The following MYO10 variants were observed in gnomAD, a reference collection of about 807,000 sequenced individuals.
MYO10 encodes myosin X.
In MYO10, 133 loss-of-function variants were observed where a neutral mutation model predicts 257.3. The ratio of observed to expected loss-of-function variants is 0.52; its 90% CI spans 0.45 to 0.60. The LOEUF is 0.60. Among genes scored for constraint, MYO10 ranks in the 20% least tolerant of loss-of-function variants. MYO10 has a pLI of 0.00. For missense variants in MYO10, 2,399 were observed against 2,635.7 expected, an observed-to-expected ratio of 0.91 and a Z score of 1.97; for synonymous variants, 1,104 against 1,028.6, an observed-to-expected ratio of 1.07 and a Z score of -1.40.
intron 2 of MYO10, among the ~76,000 whole-genome samples, chr5:16,847,879 A>T (rs1743683860): frequency 6.6e-6 from 1 of 152,216 alleles, no homozygotes; most frequent in Admixed American, 6.5e-5. Flanking sequence ...TCTGGGCAAC[A>T]TAGCAAGACC....
At chr5:16,760,342 T>C (rs1180268573) in intron 17 of MYO10, among the ~76,000 whole-genome samples, 4 of 149,384 alleles carry the variant, frequency 2.7e-5, no homozygotes, top group Non-Finnish European at 5.9e-5. Context: ...GCACCTGTAG[T>C]CCCAGCTACT....
chr5:16,839,291 G>A (rs112740419), intron 2 of MYO10, among the ~76,000 whole-genome samples: 2,543 of 152,258 alleles, frequency 0.017, 82 homozygotes, highest in African/African-American at 0.058. Context: ...TCAAGATTAG[G>A]AGGAGTCTGG....
At position 16,722,308 on chromosome 5, in the gene MYO10, G is replaced by A. The variant is rs554476495; in HGVS notation, c.1930-11063C>T. On this transcript the variant is annotated intron_variant, in intron 19 of 40. Coordinates refer to ENST00000513610, the MANE Select transcript of MYO10 (RefSeq NM_012334.3). ...CCATTAAATTACACATTCTTGCAGC[G>A]GAGCAGCTGAATTCTATGAATGTCT... Among the ~76,000 whole-genome samples, 17 of 152,262 alleles carry A rather than the reference G, an allele frequency of 1.1e-4. No individual in the cohort carries two copies. The South Asian group carries it at 1.5e-3, about 13-fold the overall frequency.
chr5:16,936,247 C>G lies in MYO10; in HGVS notation c.-439G>C, dbSNP rs950911442. The G allele has an allele frequency of 1.9e-5, 3 of 159,152 alleles. No individual in the cohort carries two copies. The highest frequency in any genetic ancestry group is 4.1e-5 in the Non-Finnish European group (3 of 72,822). 9.9% of individuals were successfully genotyped at this position (159,152 alleles called of 1,614,324 possible). A position where few individuals can be genotyped will look rare whatever the true frequency, so the allele number is the denominator to read the frequency against. On this transcript the variant is annotated 5_prime_UTR_variant, in exon 1 of 41. Coordinates refer to ENST00000513610, the MANE Select transcript of MYO10 (RefSeq NM_012334.3). ...CCCCGCGCGAGCGCTTGGAGGTGAG[C>G]AGTCCCGCGCCGCGGCTCAGCCAGC...
rs1170639234 is a variant in MYO10 at position 16,935,913 on chromosome 5, G to A, written c.-105C>T. 13 of 1,427,832 alleles carry A rather than the reference G, an allele frequency of 9.1e-6. No homozygotes were observed. The highest frequency in any genetic ancestry group is 1.4e-5 in the African/African-American group (1 of 70,580). 88.4% of individuals were successfully genotyped at this position (1,427,832 alleles called of 1,614,324 possible). A position where few individuals can be genotyped will look rare whatever the true frequency, so the allele number is the denominator to read the frequency against. ...TGCGTGTCACGGCGCCACTCCCGAG[G>A]ACGCGCGCCCGCGGGGCTCCCCTGC... On this transcript the variant is annotated 5_prime_UTR_variant, in exon 1 of 41. Transcript: ENST00000513610.
At chr5:16,830,643 A>G (rs1472298200) in intron 2 of MYO10, among the ~76,000 whole-genome samples, 1 of 141,520 alleles carries the variant, frequency 7.1e-6, no homozygotes, top group Non-Finnish European at 1.5e-5. Flanking sequence ...TACTATGCAT[A>G]TATGTAGTAT....
At chr5:16,835,331 G>A (rs1487631022) in intron 2 of MYO10, among the ~76,000 whole-genome samples, 5 of 151,142 alleles carry the variant, frequency 3.3e-5, no homozygotes, top group African/African-American at 9.7e-5. Context: ...TCAGGAGTTC[G>A]AGATCAGCCT....
intron 9 of MYO10, among the ~76,000 whole-genome samples, chr5:16,774,483 G>A (rs551756457): frequency 6.6e-6 from 1 of 152,158 alleles, no homozygotes; most frequent in African/African-American, 2.4e-5. Flanking sequence ...GTGCAACGGT[G>A]CAATCTCAGC....
At chr5:16,770,694 C>T (rs1056623376) in intron 9 of MYO10, among the ~76,000 whole-genome samples, 11 of 152,198 alleles carry the variant, frequency 7.2e-5, no homozygotes, top group Admixed American at 1.3e-4. Flanking sequence ...AACCACGCAC[C>T]GCTCTGAAGC....
At chr5:16,895,904 C>A (rs1015574895) in intron 1 of MYO10, among the ~76,000 whole-genome samples, 1 of 152,142 alleles carries the variant, frequency 6.6e-6, no homozygotes, top group Non-Finnish European at 1.5e-5. Context: ...GCAAGGGGGG[C>A]CCTGCCGCAC....
chr5:16,871,063 GCA>G (rs1392703007), intron 2 of MYO10, among the ~76,000 whole-genome samples: 1 of 152,138 alleles, frequency 6.6e-6, no homozygotes, highest in Non-Finnish European at 1.5e-5. Context: ...ATGTTTTAGT[GCA>G]CAGTCTAGTG....
chr5:16,701,118 G>C lies in MYO10; in HGVS notation c.3277C>G (p.Gln1093Glu). The C allele has an allele frequency of 6.3e-7, 1 of 1,594,270 alleles. No individual in the cohort carries two copies. Among genetic ancestry groups the C allele is most frequent in the Admixed American group, 1.8e-5 (1 of 56,576 alleles). The change falls in exon 25 of 41, where the codon CAG becomes GAG. Residue 1093 changes from glutamine (Q) to glutamate (E), a missense_variant. Gln to Glu is a conservative substitution (Grantham distance 29). Transcript: ENST00000513610. This position sits in a 1 kb window ranked among gnomAD's most constrained non-coding sequence, Gnocchi z 8.1. ...ATGGCACCGTCCTCATAGTCATCCT[G>C]GTCGTAGTCGTAGTCGCCGTCTGGG... Reference protein sequence around the residue: ...PSPDGDYDYDQDDYEDGAITS... With the variant: ...PSPDGDYDYDEDDYEDGAITS...
intron 1 of MYO10, among the ~76,000 whole-genome samples, chr5:16,885,416 A>G (rs1744869230): frequency 6.6e-6 from 1 of 152,180 alleles, no homozygotes; most frequent in African/African-American, 2.4e-5. Context: ...TCATGCCTGT[A>G]ATCCCTGCAC....
At chr5:16,902,343 C>G in intron 1 of MYO10, 1 of 1,153,260 alleles carries the variant, frequency 8.7e-7, no homozygotes, top group Non-Finnish European at 1.3e-6. Context: ...AGTTCTAAAT[C>G]AGGGTGGGGG....
intron 19 of MYO10, among the ~76,000 whole-genome samples, chr5:16,734,954 T>A (rs1739730498): frequency 6.6e-6 from 1 of 152,154 alleles, no homozygotes; most frequent in Non-Finnish European, 1.5e-5. Context: ...TTCCTCTTTG[T>A]ACCTACCCTA....
At chr5:16,825,845 T>C (rs970492559) in intron 2 of MYO10, among the ~76,000 whole-genome samples, 10 of 150,138 alleles carry the variant, frequency 6.7e-5, no homozygotes, top group African/African-American at 2.5e-4. Flanking sequence ...CGAGACCCTG[T>C]CTCAAAAAAC....
intron 2 of MYO10, among the ~76,000 whole-genome samples, chr5:16,874,333 A>G (rs1489192239): frequency 1.7e-5 from 1 of 58,048 alleles, no homozygotes; most frequent in Non-Finnish European, 3.1e-5. Flanking sequence ...GACTCCATCT[A>G]AAAAAAAAAG....
chr5:16,932,891 C>T (rs1240699612), intron 1 of MYO10, among the ~76,000 whole-genome samples: 1 of 152,174 alleles, frequency 6.6e-6, no homozygotes, highest in Admixed American at 6.5e-5. Flanking sequence ...CCTCAGCCTC[C>T]AGAATGGCTG....
In MYO10 at chr5:16,809,504, T is replaced by C. The variant is rs137869815; in HGVS notation, c.279+8505A>G. ...CTTCACATGGCAAGCAGGCCGTGAC[T>C]TCCCTGCAGGTGAACTCTGTTCAAC... On this transcript the variant is annotated intron_variant, in intron 3 of 40. Coordinates refer to ENST00000513610, the MANE Select transcript of MYO10 (RefSeq NM_012334.3). 6.5e-3 allele frequency among the ~76,000 whole-genome samples: 989 copies of C among 152,360 alleles called. 10 individuals are homozygous for C. Among genetic ancestry groups the C allele is most frequent in the Non-Finnish European group, 6.1e-3 (416 of 68,030 alleles).
Sources: gnomAD v4.1 joint callset for allele counts (sites outside exome capture counted in the v4.1 genomes callset) on GRCh38, gnomAD v4.1.1 for gene constraint, Gnocchi (gnomAD v3.1) non-coding constraint, MANE v1.5 for transcripts, NCBI Gene and HGNC (gene_info 2026-07-23, HGNC 2026-07-21) for gene names.